Variants in PLA2G4A observed in about 807,000 individuals in gnomAD.
PLA2G4A encodes the protein cytosolic phospholipase A2.
In PLA2G4A, 40 loss-of-function variants were observed where a neutral mutation model predicts 81.9. That is an observed-to-expected ratio of 0.49 (90% confidence interval 0.38 to 0.64). PLA2G4A has a LOEUF of 0.64. Among genes scored for constraint, PLA2G4A ranks in the 30% least tolerant of loss-of-function variants. The pLI is 0.00. For missense variants in PLA2G4A, 715 were observed against 905.1 expected (o/e 0.79, Z 2.69); for synonymous variants, 302 against 296.9 (o/e 1.02, Z -0.18).
At chr1:186,882,371 G>T (rs992879562) in intron 3 of PLA2G4A, among the ~76,000 whole-genome samples, 1 of 152,054 alleles carries the variant, frequency 6.6e-6, no homozygotes, top group Non-Finnish European at 1.5e-5. Flanking sequence ...ATATTCTTGG[G>T]ACAAGAACAA....
intron 10 of PLA2G4A, among the ~76,000 whole-genome samples, chr1:186,943,342 A>C (rs1382947024): frequency 6.6e-6 from 1 of 152,212 alleles, no homozygotes; most frequent in Non-Finnish European, 1.5e-5. Context: ...TTCATTTAAA[A>C]ATTTCCACTG....
chr1:186,988,315 TA>T (rs1203276835), intron 17 of PLA2G4A, 61 bp from the exon 18 acceptor site: 8 of 1,283,782 alleles, frequency 6.2e-6, no homozygotes, highest in South Asian at 4.0e-5. Flanking sequence ...TTTATTTTAA[TA>T]AAAAATATAT....
intron 15 of PLA2G4A, among the ~76,000 whole-genome samples, chr1:186,968,830 A>G (rs900135720): frequency 6.6e-6 from 1 of 151,734 alleles, no homozygotes; most frequent in African/African-American, 2.4e-5. Flanking sequence ...TTACATTACT[A>G]TGTCTAATTA....
Position 186,975,767 on chromosome 1 carries a change from T to C in PLA2G4A, c.1765-1826T>C, listed in dbSNP as rs1657509336. ...CACTGCAGCCACCAAAAATAATTTG[T>C]TTCTTGTTGAGCTGTGGTGTCTAAT... On this transcript the variant is annotated intron_variant, in intron 15 of 17. Coordinates refer to ENST00000367466, the MANE Select transcript of PLA2G4A (RefSeq NM_024420.3). Among the ~76,000 whole-genome samples the C allele has an allele frequency of 2.0e-5, 3 of 152,196 alleles. No homozygotes were observed. The South Asian group carries it at 6.2e-4, about 31-fold the overall frequency.
intron 17 of PLA2G4A, among the ~76,000 whole-genome samples, chr1:186,987,231 G>A (rs1225777795): frequency 6.6e-6 from 1 of 152,214 alleles, no homozygotes; most frequent in Non-Finnish European, 1.5e-5. Context: ...CTTGCCCAGT[G>A]AGCTTGCACG....
chr1:186,847,840 A>T (rs1376842005), intron 1 of PLA2G4A, among the ~76,000 whole-genome samples: 2 of 152,076 alleles, frequency 1.3e-5, no homozygotes, highest in Non-Finnish European at 2.9e-5. Flanking sequence ...CGCTCATCAG[A>T]GGGTTTAACA....
At chr1:186,914,269 T>TG (rs1655064719) in intron 7 of PLA2G4A, among the ~76,000 whole-genome samples, 1 of 11,642 alleles carries the variant, frequency 8.6e-5, no homozygotes, top group Non-Finnish European at 1.3e-4. Context: ...TATATATATA[T>TG]GTTTTTTTCT....
chr1:186,839,741 G>A (rs944091598), intron 1 of PLA2G4A, among the ~76,000 whole-genome samples: 31 of 151,894 alleles, frequency 2.0e-4, no homozygotes, highest in African/African-American at 6.5e-4. Context: ...AGCAAAAGTA[G>A]GTAGTATAAA....
chr1:186,944,440 A>G (rs947506843), intron 10 of PLA2G4A, among the ~76,000 whole-genome samples: 3 of 152,162 alleles, frequency 2.0e-5, no homozygotes, highest in Admixed American at 6.6e-5. Context: ...CTCAGTTCCC[A>G]TGATAGGGTT....
chr1:186,859,326 G>A (rs1176541516), intron 2 of PLA2G4A, among the ~76,000 whole-genome samples: 1 of 152,096 alleles, frequency 6.6e-6, no homozygotes, highest in Non-Finnish European at 1.5e-5. Context: ...GAATCATTAC[G>A]AGGTGCCTTC....
chr1:186,933,403 A>G (rs12720589), intron 8 of PLA2G4A, among the ~76,000 whole-genome samples: 1 of 152,202 alleles, frequency 6.6e-6, no homozygotes, highest in Non-Finnish European at 1.5e-5. Flanking sequence ...ATTGATTTTC[A>G]TCTAACTAAA....
chr1:186,835,757 T>A (rs1344000832), intron 1 of PLA2G4A, among the ~76,000 whole-genome samples: 3 of 152,210 alleles, frequency 2.0e-5, no homozygotes, highest in Non-Finnish European at 4.4e-5. Context: ...TACTGTTATA[T>A]CCCTGGTTCT....
chr1:186,857,435 AAATATATAATAT>A, intron 2 of PLA2G4A, among the ~76,000 whole-genome samples: 1 of 131,642 alleles, frequency 7.6e-6, no homozygotes, highest in African/African-American at 2.9e-5. Context: ...TATACTATAT[AAATATATAATAT>A]AATATATAAT....
intron 6 of PLA2G4A, among the ~76,000 whole-genome samples, chr1:186,909,477 A>G (rs1223315928): frequency 6.6e-6 from 1 of 151,248 alleles, no homozygotes; most frequent in African/African-American, 2.4e-5. Context: ...GTTGACCAAC[A>G]TGGAGAAACC....
At chr1:186,921,644 G>T (rs1490716031) in intron 7 of PLA2G4A, among the ~76,000 whole-genome samples, 1 of 152,082 alleles carries the variant, frequency 6.6e-6, no homozygotes, top group East Asian at 1.9e-4. Flanking sequence ...TCTGGTGGAG[G>T]TGTAGGTGCT....
At chr1:186,850,653 T>C (rs974652726) in intron 1 of PLA2G4A, among the ~76,000 whole-genome samples, 1 of 152,136 alleles carries the variant, frequency 6.6e-6, no homozygotes, top group Non-Finnish European at 1.5e-5. Flanking sequence ...TCCCAGAAGA[T>C]GCTCTTCTGC....
At chr1:186,937,561 G>GT (rs879402606) in intron 8 of PLA2G4A, among the ~76,000 whole-genome samples, 3,234 of 149,004 alleles carry the variant, frequency 0.022, 119 homozygotes, top group African/African-American at 0.075. Flanking sequence ...ATCATTTAAA[G>GT]TTTTTTTTTT....
chr1:186,871,482 G>A (rs967563365), intron 3 of PLA2G4A, among the ~76,000 whole-genome samples: 16 of 152,122 alleles, frequency 1.1e-4, no homozygotes, highest in Non-Finnish European at 2.1e-4. Context: ...GTATCGTCCA[G>A]GAAACAGGTA....
intron 1 of PLA2G4A, among the ~76,000 whole-genome samples, chr1:186,831,560 C>T (rs986397384): frequency 2.0e-5 from 3 of 152,072 alleles, no homozygotes; most frequent in African/African-American, 7.2e-5. Flanking sequence ...TGTGGGGTGT[C>T]TATATTTACT....
Sources: gnomAD v4.1 joint callset for allele counts (sites outside exome capture counted in the v4.1 genomes callset) on GRCh38, gnomAD v4.1.1 for gene constraint, MANE v1.5 for transcripts, NCBI Gene and HGNC (gene_info 2026-07-23, HGNC 2026-07-21) for gene names.